STK24: variants seen among roughly 807,000 people sequenced by gnomAD.
STK24 encodes the protein serine/threonine kinase 24.
In STK24, 21 loss-of-function variants were observed where a neutral mutation model predicts 55.6. The observed-to-expected ratio is 0.38, with a 90% CI of 0.27 to 0.54. The LOEUF (loss-of-function observed/expected upper bound fraction) is 0.54, where lower values mean the gene tolerates loss of function less well. STK24 is among the 20% of genes least tolerant of loss of function. The probability of loss-of-function intolerance (pLI) is 0.79; values close to 1 mark genes in which losing one functional copy is unlikely to be tolerated. For missense variants in STK24, 383 were observed against 538.4 expected (o/e 0.71, Z 2.86); for synonymous variants, 200 against 215.2 (o/e 0.93, Z 0.62).
At chr13:98,554,314 G>A (rs72646404) in intron 1 of STK24, among the ~76,000 whole-genome samples, 1 of 152,058 alleles carries the variant, frequency 6.6e-6, no homozygotes, top group African/African-American at 2.4e-5. Context: ...GCTCTTTACA[G>A]AACAGAACTT....
chr13:98,462,597 C>G (rs1458807036), intron 7 of STK24, among the ~76,000 whole-genome samples: 1 of 152,120 alleles, frequency 6.6e-6, no homozygotes. Context: ...ACCTAGGGGC[C>G]AGCCTCACTC....
At chr13:98,571,422 C>G (rs1260760477) in intron 1 of STK24, among the ~76,000 whole-genome samples, 1 of 152,202 alleles carries the variant, frequency 6.6e-6, no homozygotes, top group Non-Finnish European at 1.5e-5. Context: ...GCTAGAAAAT[C>G]TCATCTGACC....
rs767318445 is a variant in STK24 at position 98,466,509 on chromosome 13, G to T, written c.650C>A (p.Pro217Gln). The T allele has an allele frequency of 6.2e-7, 1 of 1,614,082 alleles. No homozygotes were observed. Among genetic ancestry groups the T allele is most frequent in the Non-Finnish European group, 8.5e-7 (1 of 1,180,026 alleles). ...CATGGGGTGCAGCTCGGAATGAGGT[G>T]GTTCCCCTCTTGCAAGTTCAATAGC... ...ITAIELARGE[P>Q]PHSELHPMKV... Residue 217 changes from proline to glutamine, a missense_variant, in exon 6 of 11, where the codon CCA (proline) becomes CAA (glutamine). By Grantham distance (76) the Pro-to-Gln change is moderately conservative (BLOSUM62 -1). Coordinates refer to ENST00000539966, the MANE Select transcript of STK24 (RefSeq NM_001032296.4).
At chr13:98,493,109 C>T (rs2139327101) in intron 2 of STK24, among the ~76,000 whole-genome samples, 1 of 152,312 alleles carries the variant, frequency 6.6e-6, no homozygotes, top group Non-Finnish European at 1.5e-5. Flanking sequence ...CTCATTCCAT[C>T]ATGCAAGGTT....
chr13:98,490,811 T>A (rs1199406650), intron 2 of STK24, among the ~76,000 whole-genome samples: 4 of 145,814 alleles, frequency 2.7e-5, no homozygotes, highest in Non-Finnish European at 6.0e-5. Flanking sequence ...CCCACTCCCA[T>A]AGGGAAGGCA....
chr13:98,538,697 C>T (rs1453959477), intron 1 of STK24, among the ~76,000 whole-genome samples: 1 of 152,136 alleles, frequency 6.6e-6, no homozygotes, highest in Admixed American at 6.6e-5. Flanking sequence ...CATGCATGCA[C>T]ACACCTGCCT....
intron 2 of STK24, among the ~76,000 whole-genome samples, chr13:98,512,981 G>A (rs1052777921): frequency 3.5e-4 from 53 of 152,298 alleles, no homozygotes; most frequent in Non-Finnish European, 2.8e-4. Flanking sequence ...TCCCTGCTGC[G>A]AACCGGCTTC....
chr13:98,467,146 T>C lies in STK24; in HGVS notation c.598-585A>G, dbSNP rs142231209. 6.6e-3 allele frequency among the ~76,000 whole-genome samples: 1,002 copies of C among 152,288 alleles called. 34 individuals carry two copies. Among genetic ancestry groups the C allele is most frequent in the Admixed American group, 0.06 (914 of 15,294 alleles). On this transcript the variant is annotated intron_variant, in intron 5 of 10. Coordinates refer to ENST00000539966, the MANE Select transcript of STK24 (RefSeq NM_001032296.4). Reference sequence around the variant, plus strand: ...GCCCAGAACTTAAAAAAGTTTATTATGAAAATGTTCAAACATACAAAGAAC... The same window carrying C: ...GCCCAGAACTTAAAAAAGTTTATTACGAAAATGTTCAAACATACAAAGAAC...
chr13:98,488,201 A>ACACT (rs1894881107), intron 2 of STK24, among the ~76,000 whole-genome samples: 5 of 150,598 alleles, frequency 3.3e-5, no homozygotes, highest in African/African-American at 1.2e-4. Context: ...ACACACACAC[A>ACACT]CACACGGGAA....
intron 10 of STK24, chr13:98,456,047 C>T (rs1251317964): frequency 2.6e-5 from 4 of 153,334 alleles, no homozygotes; most frequent in African/African-American, 4.8e-5. Flanking sequence ...AGGGAGGGAT[C>T]GTCCTTCAAT....
chr13:98,458,834 C>A (rs977288088), intron 9 of STK24, among the ~76,000 whole-genome samples: 1 of 152,204 alleles, frequency 6.6e-6, no homozygotes, highest in Non-Finnish European at 1.5e-5. Context: ...CCTCAATGTC[C>A]TCATCTGTAA....
At chr13:98,539,345 G>A (rs1594653014) in intron 1 of STK24, among the ~76,000 whole-genome samples, 2 of 152,034 alleles carry the variant, frequency 1.3e-5, no homozygotes, top group Non-Finnish European at 1.5e-5. Context: ...ATAATCTGTC[G>A]TCCCCTTCCT....
intron 2 of STK24, among the ~76,000 whole-genome samples, chr13:98,501,210 C>T (rs1185297566): frequency 2.6e-5 from 4 of 152,220 alleles, no homozygotes; most frequent in African/African-American, 2.4e-5. Flanking sequence ...AGCCTCACCG[C>T]GGAGTCACAG....
At chr13:98,492,471 T>G (rs191129978) in intron 2 of STK24, among the ~76,000 whole-genome samples, 27 of 152,142 alleles carry the variant, frequency 1.8e-4, no homozygotes, top group Non-Finnish European at 1.5e-4. Flanking sequence ...ATTTAAATCT[T>G]TTTCAGCTCT....
intron 1 of STK24, chr13:98,576,324 G>A: frequency 1.4e-6 from 1 of 703,172 alleles, no homozygotes; most frequent in Non-Finnish European, 1.8e-6. Flanking sequence ...GAGCCTGGGG[G>A]ACGCGTCCTG....
intron 5 of STK24, among the ~76,000 whole-genome samples, chr13:98,467,244 G>A (rs1196100283): frequency 1.3e-5 from 2 of 152,158 alleles, no homozygotes; most frequent in African/African-American, 4.8e-5. Context: ...TGCCATACGA[G>A]CTTTGTCCAT....
intron 1 of STK24, among the ~76,000 whole-genome samples, chr13:98,532,315 T>C (rs1351493773): frequency 6.6e-6 from 1 of 152,252 alleles, no homozygotes; most frequent in East Asian, 1.9e-4. Context: ...CTCTTCTCCA[T>C]GAGAGAAGGA....
chr13:98,573,731 A>C (rs1342512130), intron 1 of STK24, among the ~76,000 whole-genome samples: 1 of 152,230 alleles, frequency 6.6e-6, no homozygotes, highest in African/African-American at 2.4e-5. Context: ...AGTAACCATA[A>C]AACAGTAACA....
intron 2 of STK24, among the ~76,000 whole-genome samples, chr13:98,485,337 T>C (rs1052099705): frequency 1.3e-5 from 2 of 152,160 alleles, no homozygotes; most frequent in African/African-American, 4.8e-5. Context: ...TGGTAAGAGA[T>C]GAAATCACGG....
Sources: allele counts gnomAD v4.1 joint callset (sites outside exome capture counted in the v4.1 genomes callset), GRCh38; gene constraint gnomAD v4.1.1; transcripts MANE v1.5; gene names NCBI Gene and HGNC (gene_info 2026-07-23, HGNC 2026-07-21).